RBBP8: variants seen among roughly 807,000 people sequenced by gnomAD.
RBBP8 encodes the protein RB binding protein 8, endonuclease, also known as DNA endonuclease RBBP8.
A neutral mutation model predicts 108.3 loss-of-function variants in RBBP8; 88 were observed. That is an observed-to-expected ratio of 0.81 (90% CI 0.68 to 0.97). RBBP8 has a LOEUF of 0.97. Ranked by LOEUF, RBBP8 falls within the 50% of genes least tolerant of loss-of-function variation. The probability of loss-of-function intolerance (pLI) is 0.00; values close to 1 mark genes in which losing one functional copy is unlikely to be tolerated. For synonymous variants in RBBP8, 332 were observed against 348.2 expected (o/e 0.95, Z 0.52); for missense variants, 1,023 against 1,049.0 (o/e 0.98, Z 0.34).
intron 2 of RBBP8, among the ~76,000 whole-genome samples, chr18:22,940,141 G>C (rs944630852): frequency 6.6e-6 from 1 of 151,904 alleles, no homozygotes; most frequent in Non-Finnish European, 1.5e-5. Context: ...TTGTCATCTT[G>C]CCTTGACTTT....
intron 6 of RBBP8, among the ~76,000 whole-genome samples, chr18:22,980,978 T>TA: frequency 8.3e-6 from 1 of 120,736 alleles, no homozygotes; most frequent in Non-Finnish European, 1.8e-5. Flanking sequence ...TTTTTTTTTT[T>TA]TTTTTTTTTT....
In RBBP8 at chr18:22,924,127, G is replaced by GTTTTTTTTTT. The variant is rs33978854; in HGVS notation, c.-153-5245_-153-5236dup. On this transcript the variant is annotated intron_variant, in intron 3 of 4. Coordinates refer to the RBBP8 transcript ENST00000577588. Reference sequence around the variant, plus strand: ...GCATTTTTTAGTTAGTTTGTTTTTGGTTTTTTTTTTTTTTTTTTTTGAGAC... The same window carrying GTTTTTTTTTT: ...GCATTTTTTAGTTAGTTTGTTTTTGGTTTTTTTTTTTTTTTTTTTTTTTTTTTTTTGAGAC... 6.0e-4 allele frequency among the ~76,000 whole-genome samples: 65 copies of GTTTTTTTTTT among 108,218 alleles called. 1 individual carries two copies. The highest frequency in any genetic ancestry group is 9.5e-4 in the Non-Finnish European group (54 of 56,810). The allele number at this position is 108,218 out of a possible 152,430, so 71.0% of individuals were successfully genotyped here.
intron 3 of RBBP8, among the ~76,000 whole-genome samples, chr18:22,948,879 T>A (rs1318712246): frequency 2.0e-5 from 3 of 152,202 alleles, no homozygotes; most frequent in Non-Finnish European, 4.4e-5. Flanking sequence ...AGGTGATTTT[T>A]AAAAATAATG....
chr18:23,026,025 A>C (rs924702753), intron 18 of RBBP8, 118 bp from the exon 19 acceptor site: 2 of 819,180 alleles, frequency 2.4e-6, no homozygotes, highest in Non-Finnish European at 4.1e-6. Context: ...CACAGCTAAT[A>C]ATCAGAAGAA....
intron 4 of RBBP8, among the ~76,000 whole-genome samples, chr18:22,955,352 C>G (rs1216988949): frequency 6.6e-6 from 1 of 152,114 alleles, no homozygotes; most frequent in African/African-American, 2.4e-5. Context: ...AAAGATTTAT[C>G]TCTTGTTTCA....
At chr18:22,916,217 ACT>A (rs1032422051) in intron 2 of RBBP8, among the ~76,000 whole-genome samples, 14 of 151,816 alleles carry the variant, frequency 9.2e-5, no homozygotes, top group Non-Finnish European at 2.1e-4. Flanking sequence ...ATTTCGCATA[ACT>A]CTTTCTGTCA....
At chr18:22,932,191 C>T (rs1307686520), upstream of RBBP8, among the ~76,000 whole-genome samples, 1 of 152,170 alleles carries the variant, frequency 6.6e-6, no homozygotes, top group Admixed American at 6.5e-5. Context: ...TCATTCTGCT[C>T]AGTTTTTCTT....
intron 4 of RBBP8, among the ~76,000 whole-genome samples, chr18:22,959,972 A>C (rs1912942069): frequency 6.7e-6 from 1 of 148,892 alleles, no homozygotes; most frequent in Non-Finnish European, 1.5e-5. Flanking sequence ...GCTCACTGCA[A>C]GCTCCGCCTC....
chr18:22,996,722 C>T (rs1340153044), intron 13 of RBBP8, among the ~76,000 whole-genome samples: 1 of 152,050 alleles, frequency 6.6e-6, no homozygotes, highest in Non-Finnish European at 1.5e-5. Context: ...AGTGGGCAGG[C>T]GCAGTGGCTC....
intron 6 of RBBP8, among the ~76,000 whole-genome samples, chr18:22,975,580 A>C (rs1308026269): frequency 6.6e-6 from 1 of 152,098 alleles, no homozygotes; most frequent in African/African-American, 2.4e-5. Context: ...TTCCTCTTAT[A>C]TAGTACTCAG....
At chr18:22,915,863 T>C (rs1264149320) in intron 2 of RBBP8, among the ~76,000 whole-genome samples, 5 of 152,238 alleles carry the variant, frequency 3.3e-5, no homozygotes, top group Non-Finnish European at 7.4e-5. Flanking sequence ...GAACTAGATA[T>C]ACATTTATAT....
At chr18:22,998,613 G>C (rs531345497) in intron 14 of RBBP8, among the ~76,000 whole-genome samples, 9 of 152,246 alleles carry the variant, frequency 5.9e-5, no homozygotes, top group Non-Finnish European at 1.2e-4. Context: ...ACATTCCCCA[G>C]TGATCATTTG....
intron 5 of RBBP8, among the ~76,000 whole-genome samples, chr18:22,972,395 G>T (rs1344858784): frequency 6.8e-6 from 1 of 146,250 alleles, no homozygotes; most frequent in African/African-American, 2.5e-5. Context: ...TAGCTGGGAT[G>T]CTTTGAATCT....
intron 4 of RBBP8, among the ~76,000 whole-genome samples, chr18:22,957,102 CT>C (rs1227367871): frequency 6.6e-6 from 1 of 152,060 alleles, no homozygotes; most frequent in African/African-American, 2.4e-5. Context: ...GGTTCTGCAA[CT>C]ATTTTTCAAA....
rs759390577 is a variant in RBBP8 at position 22,993,519 on chromosome 18, G to A, written c.1692G>A (p.Leu564=). 41 of 1,613,348 alleles carry A rather than the reference G, an allele frequency of 2.5e-5. 2 individuals carry two copies. The South Asian group carries it at 4.3e-4, about 17-fold the overall frequency. ...AGGAATGCATCATCCTTCAGCCCTT[G>A]AATAAATGCTCTCCAGACAATAAAC... ...CSQECIILQP[L]NKCSPDNKPS... Residue 564 remains leucine (L), a synonymous_variant, in exon 11 of 19, where the codon TTG becomes TTA. Transcript: ENST00000327155.
At chr18:22,968,734 T>C (rs1913834973) in intron 4 of RBBP8, 72 bp from the exon 5 acceptor site, 1 of 1,256,790 alleles carries the variant, frequency 8.0e-7, no homozygotes, top group Non-Finnish European at 1.1e-6. Flanking sequence ...CTTAAATCTT[T>C]ATAAAAGTCT....
intron 8 of RBBP8, among the ~76,000 whole-genome samples, chr18:22,987,709 C>T (rs888177381): frequency 2.0e-5 from 3 of 152,246 alleles, no homozygotes; most frequent in African/African-American, 7.2e-5. Context: ...CTGCTTCAGC[C>T]TGCCAAAGTG....
chr18:22,976,746 G>A (rs1239721294), intron 6 of RBBP8, among the ~76,000 whole-genome samples: 2 of 151,988 alleles, frequency 1.3e-5, no homozygotes, highest in African/African-American at 4.8e-5. Context: ...GTAGCTTATG[G>A]TATTTTGAAC....
At chr18:22,938,437 T>G (rs1910769321) in intron 2 of RBBP8, among the ~76,000 whole-genome samples, 1 of 152,218 alleles carries the variant, frequency 6.6e-6, no homozygotes, top group Non-Finnish European at 1.5e-5. Flanking sequence ...ATCTCCCGCC[T>G]TGGCCTCCCA....
Sources: allele counts gnomAD v4.1 joint callset (sites outside exome capture counted in the v4.1 genomes callset), GRCh38; gene constraint gnomAD v4.1.1; transcripts MANE v1.5; gene names NCBI Gene and HGNC (gene_info 2026-07-23, HGNC 2026-07-21).